The following MAGI2 variants were observed in gnomAD, a reference collection of about 807,000 sequenced individuals.
MAGI2 encodes the protein membrane-associated guanylate kinase, WW and PDZ domain-containing protein 2.
MAGI2 carries 35 observed loss-of-function variants against 133.3 expected under a neutral mutation model. The observed-to-expected ratio is 0.26, with a 90% CI of 0.20 to 0.35. The LOEUF (loss-of-function observed/expected upper bound fraction) is 0.35. Among genes scored for constraint, MAGI2 ranks in the 10% least tolerant of loss-of-function variants. The pLI is 1.00. For missense variants in MAGI2, 1,636 were observed against 1,863.4 expected, an observed-to-expected ratio of 0.88 and a Z score of 2.25; for synonymous variants, 729 against 710.6, an observed-to-expected ratio of 1.03 and a Z score of -0.41.
At chr7:78,225,000 T>G (rs1489596325) in intron 10 of MAGI2, among the ~76,000 whole-genome samples, 1 of 152,064 alleles carries the variant, frequency 6.6e-6, no homozygotes, top group Non-Finnish European at 1.5e-5. Flanking sequence ...ACCTCCAACT[T>G]ACACAGAATT....
At chr7:78,809,988 T>C (rs1251430975) in intron 2 of MAGI2, among the ~76,000 whole-genome samples, 1 of 152,206 alleles carries the variant, frequency 6.6e-6, no homozygotes, top group Non-Finnish European at 1.5e-5. Flanking sequence ...TTGAAATCTC[T>C]CAGCTCAAGT....
rs35152410 is a variant in MAGI2 at position 78,163,906 on chromosome 7, C to CAAAAA, written c.2597-3638_2597-3634dup. ...TGGGCAACAGAGCAAGACTCCGTCTCAAAAAAAAAAAAAAAAATTAATTGC... is the reference window on the plus strand; with the variant it reads ...TGGGCAACAGAGCAAGACTCCGTCTCAAAAAAAAAAAAAAAAAAAAAATTAATTGC... On this transcript the variant is annotated intron_variant, in intron 15 of 21. Transcript: ENST00000354212. Among the ~76,000 whole-genome samples, 278 of 126,422 alleles carry CAAAAA rather than the reference C, an allele frequency of 2.2e-3. 1 individual carries two copies. The highest frequency in any genetic ancestry group is 6.0e-3 in the African/African-American group (199 of 33,032). 82.9% of individuals were successfully genotyped at this position (126,422 alleles called of 152,430 possible).
intron 1 of MAGI2, among the ~76,000 whole-genome samples, chr7:79,236,094 A>T (rs549707859): frequency 6.6e-6 from 1 of 152,332 alleles, no homozygotes; most frequent in Middle Eastern, 3.4e-3. Context: ...TGGAAGAAGG[A>T]AGTCATTGGG....
rs767117833 is a variant in MAGI2, at chr7:78,019,882, T to C, written c.3801A>G (p.Pro1267=). ...SLDDGLAPFS[P]SHPAPPSDPS... is the part of the protein sequence containing the mutation. ...GGTCGGAGGGTGGGGCTGGATGTGATGGAGAGAATGGAGCGAGGCCGTCGT... is the reference window on the plus strand; with the variant it reads ...GGTCGGAGGGTGGGGCTGGATGTGACGGAGAGAATGGAGCGAGGCCGTCGT... The change falls in exon 22 of 22, where the codon CCA becomes CCG. Residue 1267 remains proline, a synonymous_variant. Coordinates refer to ENST00000354212, the MANE Select transcript of MAGI2 (RefSeq NM_012301.4). 6.2e-7 allele frequency: 1 copy of C among 1,612,564 alleles called. No homozygotes were observed. The highest frequency in any genetic ancestry group is 8.5e-7 in the Non-Finnish European group (1 of 1,179,530).
At chr7:78,020,989 G>T (rs1348733317) in intron 21 of MAGI2, among the ~76,000 whole-genome samples, 1 of 152,092 alleles carries the variant, frequency 6.6e-6, no homozygotes, top group Non-Finnish European at 1.5e-5. Context: ...TTCCAAAAAG[G>T]ATTTAAGACA....
chr7:78,908,933 C>A (rs1798177205), intron 2 of MAGI2, among the ~76,000 whole-genome samples: 1 of 151,978 alleles, frequency 6.6e-6, no homozygotes, highest in Non-Finnish European at 1.5e-5. Flanking sequence ...ATGCTGAAAG[C>A]AATTGCAACA....
At chr7:78,502,323 T>A (rs1794697660) in intron 4 of MAGI2, among the ~76,000 whole-genome samples, 1 of 152,174 alleles carries the variant, frequency 6.6e-6, no homozygotes, top group Non-Finnish European at 1.5e-5. Flanking sequence ...GCAATGTTGC[T>A]GGCTTAGAAG....
chr7:79,131,240 C>T (rs974206572), intron 1 of MAGI2, among the ~76,000 whole-genome samples: 1 of 152,096 alleles, frequency 6.6e-6, no homozygotes, highest in Admixed American at 6.6e-5. Context: ...CCCAATTCAT[C>T]GGTTCTGGGC....
chr7:79,307,550 A>G (rs1355372373), intron 1 of MAGI2, among the ~76,000 whole-genome samples: 1 of 152,142 alleles, frequency 6.6e-6, no homozygotes, highest in Non-Finnish European at 1.5e-5. Context: ...GTTTCCCTCT[A>G]TTGTCACTTT....
At chr7:78,981,844 C>A (rs566972981) in intron 2 of MAGI2, among the ~76,000 whole-genome samples, 1 of 151,990 alleles carries the variant, frequency 6.6e-6, no homozygotes, top group African/African-American at 2.4e-5. Flanking sequence ...TCATGTAGCA[C>A]AAACTGAAGC....
intron 1 of MAGI2, among the ~76,000 whole-genome samples, chr7:79,045,526 G>A (rs756507271): frequency 6.6e-6 from 1 of 152,174 alleles, no homozygotes; most frequent in East Asian, 1.9e-4. Context: ...TGGCAAACAG[G>A]TTAGTGGTTG....
At chr7:78,951,190 C>A (rs1801845016) in intron 2 of MAGI2, among the ~76,000 whole-genome samples, 1 of 152,000 alleles carries the variant, frequency 6.6e-6, no homozygotes, top group South Asian at 2.1e-4. Context: ...CTAGGCTGGT[C>A]TTGAACTCCC....
intron 21 of MAGI2, among the ~76,000 whole-genome samples, chr7:78,049,564 G>T (rs1811798721): frequency 6.6e-6 from 1 of 152,160 alleles, no homozygotes; most frequent in South Asian, 2.1e-4. Flanking sequence ...TATAACAAAT[G>T]GTTGCAGACA....
intron 2 of MAGI2, among the ~76,000 whole-genome samples, chr7:78,904,413 A>G (rs1016312739): frequency 2.6e-5 from 4 of 152,236 alleles, no homozygotes; most frequent in Non-Finnish European, 4.4e-5. Context: ...AATCAAATGT[A>G]AACTCTGTGT....
intron 1 of MAGI2, among the ~76,000 whole-genome samples, chr7:79,238,352 A>G (rs1832094464): frequency 6.6e-6 from 1 of 151,736 alleles, no homozygotes; most frequent in Non-Finnish European, 1.5e-5. Context: ...CATAATTCAC[A>G]CTTCTCATGT....
chr7:78,511,574 A>T (rs1795587678), intron 4 of MAGI2, among the ~76,000 whole-genome samples: 2 of 137,458 alleles, frequency 1.5e-5, no homozygotes. Flanking sequence ...TTTTTTTGAC[A>T]CAGTGAAACA....
chr7:78,366,387 T>A (rs78913195), intron 7 of MAGI2, among the ~76,000 whole-genome samples: 2,241 of 152,242 alleles, frequency 0.015, 50 homozygotes, highest in African/African-American at 0.051. Flanking sequence ...TTTACTAATC[T>A]TTTATGGTAA....
At chr7:78,437,142 G>T (rs1800374027) in intron 6 of MAGI2, among the ~76,000 whole-genome samples, 1 of 152,108 alleles carries the variant, frequency 6.6e-6, no homozygotes, top group Non-Finnish European at 1.5e-5. Context: ...AAATGCTATT[G>T]CTCTGTGGCA....
chr7:79,127,604 G>T (rs1820542736), intron 1 of MAGI2, among the ~76,000 whole-genome samples: 1 of 152,202 alleles, frequency 6.6e-6, no homozygotes, highest in Non-Finnish European at 1.5e-5. Flanking sequence ...CTTCTTTTGA[G>T]AAGTGTCTAT....
Sources: allele counts gnomAD v4.1 joint callset (sites outside exome capture counted in the v4.1 genomes callset), GRCh38; gene constraint gnomAD v4.1.1; transcripts MANE v1.5; gene names NCBI Gene and HGNC (gene_info 2026-07-23, HGNC 2026-07-21).